ANO7: variants seen among roughly 807,000 people sequenced by gnomAD.
The protein encoded by ANO7 is anoctamin-7.
A neutral mutation model predicts 115.8 loss-of-function variants in ANO7; 114 were observed. The observed-to-expected ratio is 0.98, with a 90% CI of 0.85 to 1.15. ANO7 has a LOEUF of 1.15. Ranked by LOEUF, ANO7 falls within the 50% of genes most tolerant of loss-of-function variation. The pLI, the probability that ANO7 is intolerant of heterozygous loss-of-function variation, is 0.00. For synonymous variants in ANO7, 550 were observed against 498.2 expected, an observed-to-expected ratio of 1.10 and a Z score of -1.38; for missense variants, 1,302 against 1,201.2, an observed-to-expected ratio of 1.08 and a Z score of -1.24.
the ANO7 span, chr2:241,239,831 A>G: frequency 1.2e-6 from 2 of 1,612,664 alleles, no homozygotes; most frequent in Non-Finnish European, 1.7e-6. This position sits in a 1 kb window ranked among gnomAD's most constrained non-coding sequence, Gnocchi z 4.6. Flanking sequence ...CTGCAGTGTT[A>G]AGAAGAGATG....
rs1319571303 is a variant in ANO7 at position 241,225,637 on chromosome 2, T to C, written c.*1484T>C. Among the ~76,000 whole-genome samples the C allele has an allele frequency of 2.0e-5, 3 of 152,028 alleles. No homozygotes were observed. Among genetic ancestry groups the C allele is most frequent in the Non-Finnish European group, 4.4e-5 (3 of 68,022 alleles). On this transcript the variant is annotated 3_prime_UTR_variant, in exon 25 of 25. Coordinates refer to ENST00000674324, the MANE Select transcript of ANO7 (RefSeq NM_001370694.2). Reference sequence around the variant, plus strand: ...TGAACATCCTCGCCTGCGTTCTATTTCACCCACCGTGATGCCTGGCCTGAG... The same window carrying C: ...TGAACATCCTCGCCTGCGTTCTATTCCACCCACCGTGATGCCTGGCCTGAG...
rs1160113131 is a variant in ANO7, at chr2:241,224,399, T to TAAGC, written c.*247_*250dup. The TAAGC allele has an allele frequency of 1.8e-6, 1 of 542,826 alleles. No homozygotes were observed. Among genetic ancestry groups the TAAGC allele is most frequent in the Non-Finnish European group, 3.3e-6 (1 of 303,438 alleles). The allele number at this position is 542,826 out of a possible 1,614,324, so 33.6% of individuals were successfully genotyped here. A position where few individuals can be genotyped will look rare whatever the true frequency, so the allele number is the denominator to read the frequency against. ...CCTCTTTGTTTCCTGCTCCCAGACA[T>TAAGC]AAGCCCAAGGGGCCCCTGCACCCAA... On this transcript the variant is annotated 3_prime_UTR_variant, in exon 25 of 25. Coordinates refer to ENST00000674324, the MANE Select transcript of ANO7 (RefSeq NM_001370694.2).
intron 21 of ANO7, among the ~76,000 whole-genome samples, chr2:241,218,780 C>G (rs906288350): frequency 1.3e-5 from 2 of 152,194 alleles, no homozygotes; most frequent in Non-Finnish European, 2.9e-5. Flanking sequence ...GGGCTTACAA[C>G]TCTAAGGGTC....
chr2:241,219,731 CTTTTTTTT>C (rs11299376), intron 21 of ANO7, among the ~76,000 whole-genome samples: 13 of 113,960 alleles, frequency 1.1e-4, no homozygotes, highest in South Asian at 3.0e-4. Context: ...CCAGGCCTGG[CTTTTTTTT>C]TTTTTTTTTT....
intron 17 of ANO7, among the ~76,000 whole-genome samples, chr2:241,213,174 A>AGAGGCTGGCCTCCTCATGGCACAC (rs2068754015): frequency 6.8e-6 from 1 of 147,472 alleles, no homozygotes; most frequent in African/African-American, 2.6e-5. Context: ...CATGGCACAC[A>AGAGGCTGGCCTCCTCATGGCACAC]GGCCCGCAGG....
At chr2:241,218,702 C>G (rs2068931952) in intron 21 of ANO7, among the ~76,000 whole-genome samples, 1 of 152,102 alleles carries the variant, frequency 6.6e-6, no homozygotes, top group South Asian at 2.1e-4. Context: ...TTTATTCGGC[C>G]GGGGGCGTCG....
chr2:241,194,775 T>C (rs1468446138), intron 3 of ANO7, among the ~76,000 whole-genome samples: 1 of 152,242 alleles, frequency 6.6e-6, no homozygotes, highest in Non-Finnish European at 1.5e-5. Flanking sequence ...ATGTATATCA[T>C]AGGTATGTAC....
chr2:241,230,965 C>A, downstream of ANO7: 1 of 1,605,818 alleles, frequency 6.2e-7, no homozygotes, highest in Non-Finnish European at 8.5e-7. The surrounding 1 kb of genome is among the most constrained non-coding windows in gnomAD (Gnocchi z 5.0). Flanking sequence ...AGAATGTAGT[C>A]AGAAAAGGGG....
At chr2:241,235,638 A>G in the ANO7 span, 2 of 1,398,526 alleles carry the variant, frequency 1.4e-6, no homozygotes, top group Non-Finnish European at 2.0e-6. Context: ...AGCTGAGAGC[A>G]GAGTGACGTT....
intron 10 of ANO7, among the ~76,000 whole-genome samples, 160 bp from the exon 11 acceptor site, chr2:241,207,414 T>G (rs1282854086): frequency 6.6e-6 from 1 of 152,260 alleles, no homozygotes; most frequent in Non-Finnish European, 1.5e-5. Context: ...ATGGCATATA[T>G]TTTAAAACAA....
chr2:241,200,277 C>T lies in ANO7; in HGVS notation c.554+52C>T, dbSNP rs375321693. Reference sequence around the variant, plus strand: ...GGAAAGAACAGGAGTGAGTGGGAGTCGGTGAATGAGTGAGCGGAACTTGGT... The same window carrying T: ...GGAAAGAACAGGAGTGAGTGGGAGTTGGTGAATGAGTGAGCGGAACTTGGT... On this transcript the variant is annotated intron_variant, in intron 6 of 24. Coordinates refer to ENST00000674324, the MANE Select transcript of ANO7 (RefSeq NM_001370694.2). 5.7e-5 allele frequency: 91 copies of T among 1,583,586 alleles called. No homozygotes were observed. The South Asian group carries it at 8.6e-4, about 15-fold the overall frequency.
the ANO7 span, chr2:241,238,588 C>A: frequency 1.5e-6 from 2 of 1,324,608 alleles, no homozygotes; most frequent in Non-Finnish European, 2.0e-6. The surrounding 1 kb of genome is among the most constrained non-coding windows in gnomAD (Gnocchi z 4.9). Flanking sequence ...TGCGACAGCC[C>A]CGCCTCTCAC....
At chr2:241,196,898 T>C (rs978848655) in intron 4 of ANO7, among the ~76,000 whole-genome samples, 1 of 151,574 alleles carries the variant, frequency 6.6e-6, no homozygotes, top group African/African-American at 2.4e-5. Context: ...TGTGCCTGTG[T>C]GCAGGGACTT....
rs1259349097 is a variant in ANO7 at position 241,204,875 on chromosome 2, A to G, written c.900A>G (p.Thr300=). The G allele has an allele frequency of 6.2e-7, 1 of 1,613,708 alleles. No homozygotes were observed. The highest frequency in any genetic ancestry group is 2.2e-5 in the East Asian group (1 of 44,870). ...CCATCCTCTCTACAGGGTTTTACACAGGCTGGCTCCTGCCAGCGGCAGTGG... is the reference window on the plus strand; with the variant it reads ...CCATCCTCTCTACAGGGTTTTACACGGGCTGGCTCCTGCCAGCGGCAGTGG... ...ALYFAWLGFY[T]GWLLPAAVVG... Residue 300 remains threonine (T), a synonymous_variant, in exon 10 of 25, where the codon ACA becomes ACG. Transcript: ENST00000674324.
intron 6 of ANO7, among the ~76,000 whole-genome samples, 184 bp from the exon 7 acceptor site, chr2:241,201,114 G>A (rs536764197): frequency 5.0e-4 from 76 of 152,370 alleles, no homozygotes; most frequent in African/African-American, 1.7e-3. Context: ...GACCTGCCGG[G>A]GAGCCAGCTG....
Position 241,200,146 on chromosome 2 carries a change from C to T in ANO7, c.475C>T (p.Pro159Ser). The T allele has an allele frequency of 6.2e-7, 1 of 1,613,264 alleles. No homozygotes were observed. Among genetic ancestry groups the T allele is most frequent in the Non-Finnish European group, 8.5e-7 (1 of 1,180,004 alleles). Residue 159 changes from proline (P) to serine (S), a missense_variant, in exon 6 of 25, where the codon CCC (proline) becomes TCC (serine). Pro to Ser is a moderately conservative substitution (Grantham distance 74). Coordinates refer to ENST00000674324, the MANE Select transcript of ANO7 (RefSeq NM_001370694.2). ...CGGCCTGCTGGCATGGCTGGGCATC[C>T]CCAACGTCCTGCTGGAGGTTGTGCC... ...SAGLLAWLGI[P>S]NVLLEVVPDV... is the part of the protein sequence containing the mutation.
At chr2:241,228,131 C>G (rs527452609), downstream of ANO7, 9 of 152,276 alleles carry the variant, frequency 5.9e-5, no homozygotes, top group African/African-American at 2.2e-4. Context: ...AAGGCGGAAG[C>G]GACTGTCCCC....
intron 18 of ANO7, among the ~76,000 whole-genome samples, chr2:241,215,265 G>A (rs1244423508): frequency 1.3e-5 from 2 of 152,200 alleles, no homozygotes; most frequent in African/African-American, 2.4e-5. Context: ...AGGCCCCAAC[G>A]CAGCACAAGA....
chr2:241,235,859 TAGG>T, the ANO7 span, among the ~76,000 whole-genome samples: 11 of 152,284 alleles, frequency 7.2e-5, no homozygotes, highest in South Asian at 8.3e-4. Flanking sequence ...CAGGCCCACG[TAGG>T]AGGAGAGGCC....
Sources: gnomAD v4.1 joint callset for allele counts (sites outside exome capture counted in the v4.1 genomes callset) on GRCh38, gnomAD v4.1.1 for gene constraint, Gnocchi (gnomAD v3.1) non-coding constraint, MANE v1.5 for transcripts, NCBI Gene and HGNC (gene_info 2026-07-23, HGNC 2026-07-21) for gene names.